The following CARS2 variants were observed in gnomAD, a reference collection of about 807,000 sequenced individuals.
The protein encoded by CARS2 is probable cysteine--tRNA ligase, mitochondrial.
CARS2 carries 52 observed loss-of-function variants against 68.8 expected under a neutral mutation model. The observed-to-expected ratio is 0.76, with a 90% CI of 0.61 to 0.95. CARS2 has a LOEUF of 0.95. CARS2 is among the 40% of genes least tolerant of loss of function. The pLI is 0.00. For synonymous variants in CARS2, 314 were observed against 303.6 expected (o/e 1.03, Z -0.36); for missense variants, 780 against 754.2 (o/e 1.03, Z -0.40).
chr13:110,656,498 A>G (rs2062369979), intron 9 of CARS2, among the ~76,000 whole-genome samples: 1 of 152,164 alleles, frequency 6.6e-6, no homozygotes, highest in African/African-American at 2.4e-5. Flanking sequence ...AATCACAGAA[A>G]CAGAAAGTAG....
intron 7 of CARS2, among the ~76,000 whole-genome samples, chr13:110,675,472 A>G (rs1037185415): frequency 1.3e-5 from 2 of 152,056 alleles, no homozygotes; most frequent in African/African-American, 2.4e-5. Flanking sequence ...AAAACCAAAC[A>G]CTGCATGTTC....
intron 3 of CARS2, among the ~76,000 whole-genome samples, chr13:110,692,522 C>A (rs1290266941): frequency 6.7e-6 from 1 of 150,012 alleles, no homozygotes; most frequent in East Asian, 1.9e-4. Context: ...GGGCTAGTCC[C>A]TCTCAATATT....
intron 9 of CARS2, among the ~76,000 whole-genome samples, chr13:110,659,836 T>C (rs991888001): frequency 2.4e-4 from 36 of 152,218 alleles, no homozygotes; most frequent in Non-Finnish European, 1.2e-4. Context: ...AAGGTAGTGG[T>C]TGATGAAGGC....
rs994030096 is a variant in CARS2, at chr13:110,676,098, G to T, written c.785+876C>A. 1.3e-5 allele frequency among the ~76,000 whole-genome samples: 2 copies of T among 152,198 alleles called. No individual in the cohort carries two copies. Among genetic ancestry groups the T allele is most frequent in the African/African-American group, 4.8e-5 (2 of 41,440 alleles). On this transcript the variant is annotated intron_variant, in intron 7 of 14. Coordinates refer to ENST00000257347, the MANE Select transcript of CARS2 (RefSeq NM_024537.4). This position sits in a 1 kb window ranked among gnomAD's most constrained non-coding sequence, Gnocchi z 4.0. ...GAACCTGGGAGGCGGAGGTTGCGGTGAGCCGAGATCGCACCATTGCACTCC... is the reference window on the plus strand; with the variant it reads ...GAACCTGGGAGGCGGAGGTTGCGGTTAGCCGAGATCGCACCATTGCACTCC...
At chr13:110,661,428 T>G (rs147731278) in intron 9 of CARS2, among the ~76,000 whole-genome samples, 3 of 152,360 alleles carry the variant, frequency 2.0e-5, no homozygotes, top group Non-Finnish European at 2.9e-5. Flanking sequence ...TGTTCCAGAT[T>G]AGGCTGTGGC....
At position 110,683,072 on chromosome 13, in the gene CARS2, G is replaced by T; in HGVS notation, c.634C>A (p.Pro212Thr). ...CCACCTGGCTCTCCGACTGGACCAG[G>T]GACCACGCCGACCAATTTGCCATAC... Reference protein sequence around the residue: ...DKYGKLVGVVPGPVGEPADSD... With the variant: ...DKYGKLVGVVTGPVGEPADSD... Residue 212 changes from proline to threonine, a missense_variant, in exon 6 of 15, where the codon CCT becomes ACT. Physicochemically the swap from Pro to Thr is conservative, Grantham distance 38 (BLOSUM62 -1). Coordinates refer to ENST00000257347, the MANE Select transcript of CARS2 (RefSeq NM_024537.4). The T allele has an allele frequency of 6.2e-7, 1 of 1,602,380 alleles. No homozygotes were observed. Among genetic ancestry groups the T allele is most frequent in the Non-Finnish European group, 8.5e-7 (1 of 1,176,048 alleles).
intron 8 of CARS2, chr13:110,663,737 C>T: frequency 7.7e-7 from 1 of 1,295,666 alleles, no homozygotes; most frequent in Non-Finnish European, 9.7e-7. Context: ...CCCAGCCCCA[C>T]ACTGAGAGCA....
At chr13:110,699,676 C>A (rs1352713295) in intron 3 of CARS2, among the ~76,000 whole-genome samples, 1 of 152,214 alleles carries the variant, frequency 6.6e-6, no homozygotes, top group Non-Finnish European at 1.5e-5. Context: ...AGGAAGCACC[C>A]GCAATGGAGA....
intron 7 of CARS2, among the ~76,000 whole-genome samples, chr13:110,673,163 C>T (rs566949006): frequency 1.7e-4 from 26 of 152,296 alleles, no homozygotes; most frequent in African/African-American, 6.3e-4. Flanking sequence ...ACCATTCCTT[C>T]TGAAATTATT....
At chr13:110,669,877 C>T (rs1164147301) in intron 7 of CARS2, among the ~76,000 whole-genome samples, 2 of 152,146 alleles carry the variant, frequency 1.3e-5, no homozygotes, top group African/African-American at 4.8e-5. Context: ...TGTGCTTTTC[C>T]AATGGTCTTA....
At chr13:110,689,114 T>A (rs2063386008) in intron 3 of CARS2, among the ~76,000 whole-genome samples, 1 of 152,186 alleles carries the variant, frequency 6.6e-6, no homozygotes, top group South Asian at 2.1e-4. Context: ...TGCCACATTA[T>A]CCAAGGAGGC....
chr13:110,701,989 T>C (rs2139930996), intron 2 of CARS2, among the ~76,000 whole-genome samples: 1 of 152,324 alleles, frequency 6.6e-6, no homozygotes, highest in Non-Finnish European at 1.5e-5. Flanking sequence ...ATTAAAGCCA[T>C]ATAAGATTAC....
intron 9 of CARS2, among the ~76,000 whole-genome samples, chr13:110,652,575 A>AG (rs1260253318): frequency 1.3e-5 from 2 of 152,224 alleles, no homozygotes; most frequent in Non-Finnish European, 2.9e-5. Context: ...ACCTGCCTCC[A>AG]GGGCTCAGTC....
chr13:110,700,163 G>A (rs1229079117), intron 3 of CARS2, among the ~76,000 whole-genome samples: 4 of 152,208 alleles, frequency 2.6e-5, no homozygotes, highest in African/African-American at 9.6e-5. Flanking sequence ...ATGAACCTGA[G>A]TGGAGGGCCA....
At chr13:110,662,381 A>T (rs1448179128) in intron 9 of CARS2, among the ~76,000 whole-genome samples, 4 of 151,770 alleles carry the variant, frequency 2.6e-5, no homozygotes, top group African/African-American at 9.7e-5. Context: ...CATACCATGC[A>T]ACCCCGTGGC....
At position 110,665,733 on chromosome 13, in the gene CARS2, C is replaced by CGAA. The variant is rs1375518548; in HGVS notation, c.919+1604_919+1606dup. The stretch of plus-strand genomic sequence containing the variant: ...AGGGAGCGCTGAACTGAGCCCTGAA[C>CGAA]GAAGTCAACGAGGAAGTGACTTCGG... On this transcript the variant is annotated intron_variant, in intron 8 of 14. Coordinates refer to ENST00000257347, the MANE Select transcript of CARS2 (RefSeq NM_024537.4). The surrounding 1 kb of genome is among the most constrained non-coding windows in gnomAD (Gnocchi z 4.3). 7 of 985,244 alleles carry CGAA rather than the reference C, an allele frequency of 7.1e-6. No homozygotes were observed. The highest frequency in any genetic ancestry group is 1.7e-5 in the African/African-American group (1 of 57,214). 61.0% of individuals were successfully genotyped at this position (985,244 alleles called of 1,614,324 possible). A position where few individuals can be genotyped will look rare whatever the true frequency, so the allele number is the denominator to read the frequency against.
chr13:110,642,234 G>A, intron 14 of CARS2, 81 bp downstream of exon 14: 3 of 1,088,648 alleles, frequency 2.8e-6, no homozygotes, highest in South Asian at 1.4e-5. Flanking sequence ...CACGGGGGAT[G>A]TCTGGGCCTC....
chr13:110,673,087 C>A (rs11842232), intron 7 of CARS2, among the ~76,000 whole-genome samples: 1 of 151,982 alleles, frequency 6.6e-6, no homozygotes, highest in Non-Finnish European at 1.5e-5. Flanking sequence ...GCCTACCAAC[C>A]AGAAAAAGTC....
At chr13:110,672,885 T>C (rs2062839036) in intron 7 of CARS2, among the ~76,000 whole-genome samples, 1 of 152,008 alleles carries the variant, frequency 6.6e-6, no homozygotes, top group African/African-American at 2.4e-5. Flanking sequence ...AAAGGGGATA[T>C]CACCACCGAT....
Sources: allele counts gnomAD v4.1 joint callset (sites outside exome capture counted in the v4.1 genomes callset), GRCh38; gene constraint gnomAD v4.1.1; non-coding constraint Gnocchi (gnomAD v3.1); transcripts MANE v1.5; gene names NCBI Gene and HGNC (gene_info 2026-07-23, HGNC 2026-07-21).